The following WNT2B variants were observed in gnomAD, a reference collection of about 807,000 sequenced individuals.
The protein encoded by WNT2B is protein Wnt-2b.
WNT2B carries 19 observed loss-of-function variants against 40.5 expected under a neutral mutation model. The ratio of observed to expected loss-of-function variants is 0.47; its 90% CI spans 0.33 to 0.69. WNT2B has a LOEUF of 0.69. Ranked by LOEUF, WNT2B falls within the 30% of genes least tolerant of loss-of-function variation. The pLI, the probability that WNT2B is intolerant of heterozygous loss-of-function variation, is 0.02. For missense variants in WNT2B, 467 were observed against 556.4 expected, an observed-to-expected ratio of 0.84 and a Z score of 1.62; for synonymous variants, 220 against 211.9, an observed-to-expected ratio of 1.04 and a Z score of -0.33.
At chr1:112,519,388 C>T (rs904277130) in intron 4 of WNT2B, among the ~76,000 whole-genome samples, 1 of 152,162 alleles carries the variant, frequency 6.6e-6, no homozygotes, top group Admixed American at 6.5e-5. Flanking sequence ...TTAATCTATT[C>T]TCCGTTTTGA....
chr1:112,502,983 TCA>T (rs930083702), intron 1 of WNT2B, among the ~76,000 whole-genome samples: 1 of 151,644 alleles, frequency 6.6e-6, no homozygotes, highest in African/African-American at 2.4e-5. Context: ...GCACACACAC[TCA>T]CACACACACC....
chr1:112,495,506 G>A (rs917716584), intron 1 of WNT2B, among the ~76,000 whole-genome samples: 4 of 151,814 alleles, frequency 2.6e-5, no homozygotes, highest in African/African-American at 4.8e-5. Flanking sequence ...GGAGAATGGC[G>A]TGAACCCAGA....
intron 1 of WNT2B, among the ~76,000 whole-genome samples, chr1:112,502,060 G>A (rs1651971277): frequency 6.6e-6 from 1 of 152,250 alleles, no homozygotes; most frequent in African/African-American, 2.4e-5. Flanking sequence ...CTTGGCTAAA[G>A]CTCAGCGTTC....
intron 1 of WNT2B, among the ~76,000 whole-genome samples, chr1:112,476,272 T>C (rs1310560228): frequency 6.6e-6 from 1 of 152,092 alleles, no homozygotes; most frequent in Non-Finnish European, 1.5e-5. Flanking sequence ...CATATCAATA[T>C]TTATGGGACA....
At position 112,516,145 on chromosome 1, in the gene WNT2B, C is replaced by T. The variant is rs1162856967; in HGVS notation, c.409C>T (p.Arg137Ter). 3 of 1,610,706 alleles carry T rather than the reference C, an allele frequency of 1.9e-6. No individual in the cohort carries two copies. The highest frequency in any genetic ancestry group is 1.7e-5 in the Admixed American group (1 of 59,926). The change falls in exon 3 of 5, where the codon CGA (arginine) becomes TGA (stop). Residue 137 changes from arginine (R) to a stop codon, truncating the protein, a stop_gained. Coordinates refer to ENST00000369684, the MANE Select transcript of WNT2B (RefSeq NM_024494.3). LOFTEE classifies it high-confidence loss of function. Reference sequence around the variant, plus strand: ...CTCTACAATTCTCTCTCTAGGTAGCCGAGAGGCAGCTTTTGTATATGCCAT... The same window carrying T: ...CTCTACAATTCTCTCTCTAGGTAGCTGAGAGGCAGCTTTTGTATATGCCAT... ...VFGRVMLRSS[R>*]EAAFVYAISS...
chr1:112,474,802 C>T (rs1248672993), intron 1 of WNT2B, among the ~76,000 whole-genome samples: 1 of 152,160 alleles, frequency 6.6e-6, no homozygotes, highest in Non-Finnish European at 1.5e-5. Context: ...ATGGATCCTT[C>T]ATGAATAGTT....
intron 1 of WNT2B, among the ~76,000 whole-genome samples, chr1:112,501,175 G>GT (rs1651940149): frequency 6.6e-6 from 1 of 152,172 alleles, no homozygotes; most frequent in African/African-American, 2.4e-5. Flanking sequence ...TTTACCAGGT[G>GT]TTTTTTTCTT....
chr1:112,520,543 A>G lies in WNT2B; in HGVS notation c.*34A>G. On this transcript the variant is annotated 3_prime_UTR_variant, in exon 5 of 5. Transcript: ENST00000369684. ...ATACCTCACTCATCCCTCCAATTCA[A>G]GCCTCTCAACTCAAAAGCACAAGAT... The G allele has an allele frequency of 1.2e-6, 2 of 1,604,014 alleles. No homozygotes were observed. The highest frequency in any genetic ancestry group is 3.3e-4 in the Middle Eastern group (2 of 6,044).
chr1:112,503,995 C>G (rs1305043548), upstream of WNT2B, among the ~76,000 whole-genome samples: 1 of 152,188 alleles, frequency 6.6e-6, no homozygotes, highest in Non-Finnish European at 1.5e-5. Context: ...ACAACTCTCA[C>G]TTCCAGATCA....
chr1:112,492,650 A>G (rs1007683810), intron 1 of WNT2B, among the ~76,000 whole-genome samples: 1 of 152,212 alleles, frequency 6.6e-6, no homozygotes, highest in Non-Finnish European at 1.5e-5. Context: ...TCTCAAGAGA[A>G]ACTATTTTGC....
intron 1 of WNT2B, among the ~76,000 whole-genome samples, chr1:112,481,865 A>T (rs1651235015): frequency 6.6e-6 from 1 of 151,870 alleles, no homozygotes; most frequent in African/African-American, 2.4e-5. Flanking sequence ...TTTTTAAATT[A>T]GTCGGGCATG....
At chr1:112,482,931 C>T (rs1651274261) in intron 1 of WNT2B, among the ~76,000 whole-genome samples, 1 of 152,102 alleles carries the variant, frequency 6.6e-6, no homozygotes, top group Admixed American at 6.5e-5. Context: ...CAGAAATAGA[C>T]AATAGAATCC....
At chr1:112,486,534 C>T (rs1206914079) in intron 1 of WNT2B, among the ~76,000 whole-genome samples, 3 of 152,068 alleles carry the variant, frequency 2.0e-5, no homozygotes, top group African/African-American at 7.2e-5. Context: ...AAAACTTCTG[C>T]TGTTCAAAAA....
chr1:112,521,232 T>C lies in WNT2B; in HGVS notation c.*723T>C, dbSNP rs1235417252. The stretch of plus-strand genomic sequence containing the variant: ...CTGAGGTGGAATGCAGTGGTTCCCA[T>C]GCTTAACAAATCATTAAAACACCCT... On this transcript the variant is annotated 3_prime_UTR_variant, in exon 5 of 5. Coordinates refer to ENST00000369684, the MANE Select transcript of WNT2B (RefSeq NM_024494.3). 6.6e-6 allele frequency: 1 copy of C among 152,192 alleles called. No individual in the cohort carries two copies. The highest frequency in any genetic ancestry group is 2.4e-5 in the African/African-American group (1 of 41,376). 9.4% of individuals were successfully genotyped at this position (152,192 alleles called of 1,614,324 possible).
In WNT2B at chr1:112,517,183, G is replaced by A. The variant is rs1378655621; in HGVS notation, c.744G>A (p.Leu248=). 5 of 1,614,184 alleles carry A rather than the reference G, an allele frequency of 3.1e-6. No individual in the cohort carries two copies. The highest frequency in any genetic ancestry group is 3.4e-6 in the Non-Finnish European group (4 of 1,180,034). The part of the protein sequence containing the change: ...KCHGVSGSCT[L]RTCWRALSDF... ...ATGGCGTGAGTGGTTCCTGTACTCTGCGCACCTGCTGGCGTGCACTCTCAG... is the reference window on the plus strand; with the variant it reads ...ATGGCGTGAGTGGTTCCTGTACTCTACGCACCTGCTGGCGTGCACTCTCAG... The change falls in exon 4 of 5, where the codon CTG becomes CTA. Residue 248 remains leucine (L), a synonymous_variant. Transcript: ENST00000369684.
Position 112,526,088 on chromosome 1 carries a change from T to C in WNT2B, c.*5579T>C, listed in dbSNP as rs559676702. ...CCTCAAAGCCTGAGGATGCCCAGGG[T>C]TGGGGGCACCAGAGTCCCAGCACCT... On this transcript the variant is annotated 3_prime_UTR_variant, in exon 5 of 5. Coordinates refer to ENST00000369684, the MANE Select transcript of WNT2B (RefSeq NM_024494.3). 17 of 1,614,004 alleles carry C rather than the reference T, an allele frequency of 1.1e-5. No individual in the cohort carries two copies. The highest frequency in any genetic ancestry group is 1.3e-5 in the African/African-American group (1 of 74,890).
At chr1:112,477,172 A>C (rs1464589988) in intron 1 of WNT2B, among the ~76,000 whole-genome samples, 1 of 152,212 alleles carries the variant, frequency 6.6e-6, no homozygotes, top group African/African-American at 2.4e-5. Flanking sequence ...TTATATTTAG[A>C]GTACCCAAGC....
chr1:112,516,494 T>C (rs944501352), intron 3 of WNT2B, 77 bp downstream of exon 3: 1 of 1,525,454 alleles, frequency 6.6e-7, no homozygotes, highest in African/African-American at 1.4e-5. Flanking sequence ...ACTAAATAAA[T>C]GTGAAGATGG....
chr1:112,525,401 G>A lies in WNT2B; in HGVS notation c.*4892G>A, dbSNP rs1266394731. On this transcript the variant is annotated 3_prime_UTR_variant, in exon 5 of 5. Transcript: ENST00000369684. Reference sequence around the variant, plus strand: ...TGGCAGGTATAGGGCAATAGCCAGTGGGGTGTCAGTAATATGCCCTGTCCC... The same window carrying A: ...TGGCAGGTATAGGGCAATAGCCAGTAGGGTGTCAGTAATATGCCCTGTCCC... The A allele has an allele frequency of 2.0e-5, 3 of 152,258 alleles. No homozygotes were observed. Among genetic ancestry groups the A allele is most frequent in the African/African-American group, 7.2e-5 (3 of 41,420 alleles). The allele number at this position is 152,258 out of a possible 1,614,324, so 9.4% of individuals were successfully genotyped here. A position where few individuals can be genotyped will look rare whatever the true frequency, so the allele number is the denominator to read the frequency against.
Sources: allele counts gnomAD v4.1 joint callset (sites outside exome capture counted in the v4.1 genomes callset), GRCh38; gene constraint gnomAD v4.1.1; transcripts MANE v1.5; gene names NCBI Gene and HGNC (gene_info 2026-07-23, HGNC 2026-07-21).